Variants in SH2B2 observed in about 807,000 individuals in gnomAD.
SH2B2 encodes SH2B adaptor protein 2.
Under a neutral mutation model 35.7 loss-of-function variants are expected in SH2B2, and 37 were observed. That is an observed-to-expected ratio of 1.04 (90% CI 0.80 to 1.36). SH2B2 has a LOEUF of 1.36. SH2B2 is among the 40% of genes most tolerant of loss of function. The probability of loss-of-function intolerance (pLI) is 0.00; values close to 1 mark genes in which losing one functional copy is unlikely to be tolerated. For synonymous variants in SH2B2, 383 were observed against 376.4 expected (o/e 1.02, Z -0.20); for missense variants, 852 against 817.7 (o/e 1.04, Z -0.51).
In SH2B2 at chr7:102,314,598, G is replaced by A; in HGVS notation, c.1102G>A (p.Glu368Lys). The A allele has an allele frequency of 2.5e-6, 1 of 398,600 alleles. No homozygotes were observed. The allele number at this position is 398,600 out of a possible 1,614,324, so 24.7% of individuals were successfully genotyped here. The change falls in exon 6 of 9, where the codon GAA becomes AAA. Residue 368 changes from glutamate (E) to lysine (K), a missense_variant. Coordinates refer to ENST00000444095, the MANE Select transcript of SH2B2 (RefSeq NM_001359228.2). ...CAGCCGAGGTCGAGATGCCGTCAGAGAATCCCTGATCCACGTCCCGCTAGA... is the reference window on the plus strand; with the variant it reads ...CAGCCGAGGTCGAGATGCCGTCAGAAAATCCCTGATCCACGTCCCGCTAGA... Reference protein sequence around the residue: ...PHSRGRDAVRESLIHVPLETF... With the variant: ...PHSRGRDAVRKSLIHVPLETF...
chr7:102,285,278 G>A (rs1554550671), upstream of SH2B2: 3 of 1,525,174 alleles, frequency 2.0e-6, no homozygotes, highest in Non-Finnish European at 2.7e-6. Flanking sequence ...CCGCGGGTCA[G>A]GCTCTCCCCT....
chr7:102,301,102 G>C lies in SH2B2; in HGVS notation c.552G>C (p.Thr184=), dbSNP rs1283199575. ...CGCGGCGCCTGAGGCTGTCGCGGAC[G>C]CTGGCTGCCAAGGTGGAGCTGGTGG... ...KWTRRLRLSR[T]LAAKVELVDI... Residue 184 remains threonine (T), a synonymous_variant, in exon 2 of 9, where the codon ACG becomes ACC. Transcript: ENST00000444095. The C allele has an allele frequency of 6.9e-7, 1 of 1,448,962 alleles. No individual in the cohort carries two copies. Among genetic ancestry groups the C allele is most frequent in the African/African-American group, 1.5e-5 (1 of 67,248 alleles). The allele number at this position is 1,448,962 out of a possible 1,614,324, so 89.8% of individuals were successfully genotyped here.
intron 6 of SH2B2, among the ~76,000 whole-genome samples, chr7:102,315,759 A>AAAAAAG (rs1563567103): frequency 1.4e-5 from 2 of 144,508 alleles, no homozygotes; most frequent in Admixed American, 6.9e-5. Flanking sequence ...AAAAAAAAAA[A>AAAAAAG]AAAGAAAAGA....
intron 1 of SH2B2, among the ~76,000 whole-genome samples, chr7:102,294,757 C>T (rs1554552309): frequency 6.6e-6 from 1 of 152,216 alleles, no homozygotes; most frequent in African/African-American, 2.4e-5. Flanking sequence ...CCGGGCCTCC[C>T]TCTCTCCATC....
chr7:102,320,270 G>A, intron 7 of SH2B2, 61 bp from the exon 8 acceptor site: 1 of 1,397,424 alleles, frequency 7.2e-7, no homozygotes, highest in Non-Finnish European at 1.0e-6. Context: ...AACCCCCAAA[G>A]GCGCTTACCC....
In SH2B2 at chr7:102,300,695, A is replaced by C. The variant is rs1554553450; in HGVS notation, c.145A>C (p.Asn49His). 6 of 1,544,870 alleles carry C rather than the reference A, an allele frequency of 3.9e-6. No individual in the cohort carries two copies. ...AHKFCRFLRD[N>H]PAYDTPDAGA... ...CAAGTTCTGCCGTTTCCTGCGGGAC[A>C]ACCCAGCTTACGACACGCCCGACGC... is the stretch of plus-strand genomic sequence containing the variant. The change falls in exon 2 of 9, where the codon AAC (asparagine) becomes CAC (histidine). Residue 49 changes from asparagine (N) to histidine (H), a missense_variant. By Grantham distance (68) the Asn-to-His change is moderately conservative. Coordinates refer to ENST00000444095, the MANE Select transcript of SH2B2 (RefSeq NM_001359228.2).
chr7:102,307,404 G>A (rs1027459584), intron 3 of SH2B2, among the ~76,000 whole-genome samples: 1 of 152,204 alleles, frequency 6.6e-6, no homozygotes, highest in Non-Finnish European at 1.5e-5. Flanking sequence ...GAGGGTGTTG[G>A]TGAAGCAATG....
At chr7:102,304,154 G>A (rs1203835305) in intron 2 of SH2B2, among the ~76,000 whole-genome samples, 1 of 152,076 alleles carries the variant, frequency 6.6e-6, no homozygotes, top group Non-Finnish European at 1.5e-5. Flanking sequence ...ACCCACCCAC[G>A]GTCCAGATCT....
intron 7 of SH2B2, among the ~76,000 whole-genome samples, chr7:102,320,020 C>G (rs1444366337): frequency 2.0e-5 from 3 of 152,166 alleles, no homozygotes; most frequent in Admixed American, 6.5e-5. Flanking sequence ...GTTTTCCTAT[C>G]TCTAACATGG....
At chr7:102,285,603 C>T (rs1299976719), upstream of SH2B2, among the ~76,000 whole-genome samples, 1 of 152,234 alleles carries the variant, frequency 6.6e-6, no homozygotes, top group African/African-American at 2.4e-5. Context: ...GTCCCCTCCA[C>T]CTTCAACTCT....
chr7:102,311,577 T>TTTTTA (rs1563563399), intron 4 of SH2B2, among the ~76,000 whole-genome samples: 1 of 136,088 alleles, frequency 7.3e-6, no homozygotes, highest in Non-Finnish European at 1.5e-5. Flanking sequence ...TTTTTTTTTT[T>TTTTTA]AGAGACGGGA....
intron 1 of SH2B2, among the ~76,000 whole-genome samples, chr7:102,291,091 T>C (rs1262254002): frequency 2.0e-5 from 3 of 152,210 alleles, no homozygotes; most frequent in Non-Finnish European, 4.4e-5. Flanking sequence ...TGTCCCAGCA[T>C]GTCAAATGAC....
intron 7 of SH2B2, among the ~76,000 whole-genome samples, chr7:102,317,771 G>T (rs551041249): frequency 1.3e-5 from 2 of 152,198 alleles, no homozygotes; most frequent in East Asian, 1.9e-4. Context: ...ATCGCCCAGT[G>T]GGGGGTGGGA....
chr7:102,308,962 A>G (rs1235910268), intron 4 of SH2B2, 56 bp downstream of exon 4: 1 of 1,365,158 alleles, frequency 7.3e-7, no homozygotes, highest in Non-Finnish European at 1.0e-6. Context: ...TCCTTGGTCC[A>G]GCCTTCACCA....
intron 2 of SH2B2, among the ~76,000 whole-genome samples, chr7:102,306,380 C>T (rs1793400279): frequency 6.6e-6 from 1 of 151,900 alleles, no homozygotes; most frequent in African/African-American, 2.4e-5. Flanking sequence ...TGAGCCACCG[C>T]ACCCAGCCCA....
At chr7:102,316,335 C>A (rs782414199) in intron 6 of SH2B2, among the ~76,000 whole-genome samples, 1 of 152,046 alleles carries the variant, frequency 6.6e-6, no homozygotes, top group Non-Finnish European at 1.5e-5. Flanking sequence ...CACCTGTAAT[C>A]CCAGCACTTT....
rs1554558535 is a variant in SH2B2 at position 102,321,415 on chromosome 7, G to A, written c.1684G>A (p.Asp562Asn). ...CGCCTGCCCGCCTGCCTCGCCCTCCGACGCCGCCGGCGCCTCCTCGTCTTC... is the reference window on the plus strand; with the variant it reads ...CGCCTGCCCGCCTGCCTCGCCCTCCAACGCCGCCGGCGCCTCCTCGTCTTC... ...AAACPPASPS[D>N]AAGASSSSAS... The change falls in exon 9 of 9, where the codon GAC (aspartate) becomes AAC (asparagine). Residue 562 changes from aspartate (D) to asparagine (N), a missense_variant. Transcript: ENST00000444095. The A allele has an allele frequency of 7.5e-7, 1 of 1,338,392 alleles. No individual in the cohort carries two copies. The highest frequency in any genetic ancestry group is 1.7e-5 in the South Asian group (1 of 58,958). 82.9% of individuals were successfully genotyped at this position (1,338,392 alleles called of 1,614,324 possible).
chr7:102,317,125 T>G, intron 6 of SH2B2, 62 bp from the exon 7 acceptor site: 1 of 1,334,320 alleles, frequency 7.5e-7, no homozygotes, highest in South Asian at 1.4e-5. Context: ...CTTCTCACAT[T>G]TATTTATTTG....
intron 2 of SH2B2, among the ~76,000 whole-genome samples, chr7:102,303,884 G>T (rs79202708): frequency 6.8e-6 from 1 of 148,108 alleles, no homozygotes; most frequent in Non-Finnish European, 1.5e-5. Context: ...CCACTCCACC[G>T]CTTAGTCCCA....
Sources: gnomAD v4.1 joint callset for allele counts (sites outside exome capture counted in the v4.1 genomes callset) on GRCh38, gnomAD v4.1.1 for gene constraint, MANE v1.5 for transcripts, NCBI Gene and HGNC (gene_info 2026-07-23, HGNC 2026-07-21) for gene names.